CDH13: variants seen among roughly 807,000 people sequenced by gnomAD.
CDH13 encodes the protein cadherin-13.
In CDH13, 24 loss-of-function variants were observed where a neutral mutation model predicts 63.8. The ratio of observed to expected loss-of-function variants is 0.38; its 90% CI spans 0.27 to 0.53. The LOEUF is 0.53. Ranked by LOEUF, CDH13 falls within the 20% of genes least tolerant of loss-of-function variation. The probability of loss-of-function intolerance (pLI) is 0.85; values close to 1 mark genes in which losing one functional copy is unlikely to be tolerated. For missense variants in CDH13, 1,049 were observed against 903.1 expected, an observed-to-expected ratio of 1.16 and a Z score of -2.07; for synonymous variants, 503 against 355.3, an observed-to-expected ratio of 1.42 and a Z score of -4.67.
chr16:83,025,627 C>T (rs900788534), intron 2 of CDH13, among the ~76,000 whole-genome samples: 1 of 152,122 alleles, frequency 6.6e-6, no homozygotes, highest in Non-Finnish European at 1.5e-5. Flanking sequence ...GGGGACACAG[C>T]CAAACCATAT....
chr16:83,623,494 C>T (rs1255969132), intron 8 of CDH13, among the ~76,000 whole-genome samples: 67 of 152,178 alleles, frequency 4.4e-4, no homozygotes, highest in Admixed American at 4.3e-3. Context: ...TCCCCTTCGG[C>T]CTCGGAGCGG....
intron 1 of CDH13, among the ~76,000 whole-genome samples, chr16:82,636,371 T>C (rs1908657266): frequency 6.6e-6 from 1 of 151,926 alleles, no homozygotes; most frequent in Admixed American, 6.6e-5. Context: ...GCAGATCCAG[T>C]CCATGCCTGC....
In CDH13 at chr16:83,651,553, A is replaced by G. The variant is rs148905589; in HGVS notation, c.1102-19237A>G. Among the ~76,000 whole-genome samples the G allele has an allele frequency of 2.8e-3, 415 of 147,712 alleles. 11 individuals are homozygous for G. The highest frequency in any genetic ancestry group is 0.019 in the East Asian group (97 of 5,010). ...GATGCAGCTTCCTGTGGCTTTCAAC[A>G]TGAATCACTTTCCTCATTGGTCTTT... On this transcript the variant is annotated intron_variant, in intron 8 of 13. Coordinates refer to ENST00000567109, the MANE Select transcript of CDH13 (RefSeq NM_001257.5).
At chr16:83,180,691 C>T (rs1023233081) in intron 4 of CDH13, among the ~76,000 whole-genome samples, 17 of 152,184 alleles carry the variant, frequency 1.1e-4, no homozygotes, top group African/African-American at 3.9e-4. Flanking sequence ...GCCTCCTTTT[C>T]ACAGACGTAA....
At chr16:83,152,429 G>C (rs1333350903) in intron 4 of CDH13, among the ~76,000 whole-genome samples, 1 of 152,134 alleles carries the variant, frequency 6.6e-6, no homozygotes, top group African/African-American at 2.4e-5. Flanking sequence ...CATTGTTCTA[G>C]TTTTACTAAA....
chr16:83,001,070 C>G (rs1404269590), intron 2 of CDH13, among the ~76,000 whole-genome samples: 1 of 152,234 alleles, frequency 6.6e-6, no homozygotes, highest in South Asian at 2.1e-4. Flanking sequence ...ATTCTTACTG[C>G]TCTACTTACC....
At chr16:83,369,852 A>T (rs2091330779) in intron 6 of CDH13, among the ~76,000 whole-genome samples, 1 of 152,172 alleles carries the variant, frequency 6.6e-6, no homozygotes, top group African/African-American at 2.4e-5. Context: ...TCGTGTTTGT[A>T]TTCATGACAC....
At chr16:83,012,541 T>A (rs1914270787) in intron 2 of CDH13, among the ~76,000 whole-genome samples, 1 of 152,048 alleles carries the variant, frequency 6.6e-6, no homozygotes, top group Non-Finnish European at 1.5e-5. Context: ...TGGGGGAAAA[T>A]AATGACAGAC....
chr16:83,260,097 T>TGCGC (rs1358317107), intron 5 of CDH13, among the ~76,000 whole-genome samples: 3 of 126,478 alleles, frequency 2.4e-5, no homozygotes, highest in African/African-American at 8.8e-5. Flanking sequence ...GTACCCCCAA[T>TGCGC]ACACACACAC....
At chr16:83,217,635 G>T in intron 5 of CDH13, 138 bp downstream of exon 5, 1 of 833,720 alleles carries the variant, frequency 1.2e-6, no homozygotes, top group South Asian at 1.8e-5. Flanking sequence ...TGTGGGAGCT[G>T]AAGTGGATGG....
chr16:82,992,783 C>A (rs1420507807), intron 2 of CDH13, among the ~76,000 whole-genome samples: 2 of 151,972 alleles, frequency 1.3e-5, no homozygotes, highest in Non-Finnish European at 2.9e-5. Flanking sequence ...AGTAGTTGAC[C>A]CCATAAAAAT....
At chr16:83,496,350 A>G (rs1218908263) in intron 7 of CDH13, among the ~76,000 whole-genome samples, 2 of 149,322 alleles carry the variant, frequency 1.3e-5, no homozygotes, top group Non-Finnish European at 3.0e-5. Flanking sequence ...CTCAGAAATA[A>G]CGCCGCATAT....
intron 4 of CDH13, among the ~76,000 whole-genome samples, chr16:83,194,615 C>T (rs773613936): frequency 6.6e-6 from 1 of 152,190 alleles, no homozygotes; most frequent in Non-Finnish European, 1.5e-5. Flanking sequence ...TTTGTCCTTT[C>T]CCTTTCTTGG....
At chr16:82,648,723 A>G (rs1014939406) in intron 1 of CDH13, among the ~76,000 whole-genome samples, 5 of 152,230 alleles carry the variant, frequency 3.3e-5, no homozygotes, top group African/African-American at 9.6e-5. Context: ...CACTTGCGTT[A>G]CATCTATAAT....
At chr16:83,402,554 C>G (rs868261558) in intron 6 of CDH13, among the ~76,000 whole-genome samples, 1 of 152,230 alleles carries the variant, frequency 6.6e-6, no homozygotes, top group Non-Finnish European at 1.5e-5. Context: ...GCAAGTCTCT[C>G]CTCAAAGGAT....
chr16:82,710,788 A>C (rs935604477), intron 1 of CDH13, among the ~76,000 whole-genome samples: 43 of 148,710 alleles, frequency 2.9e-4, no homozygotes, highest in Non-Finnish European at 5.8e-4. Flanking sequence ...TTTATATACA[A>C]ATATAACCTA....
intron 1 of CDH13, among the ~76,000 whole-genome samples, chr16:82,768,386 A>G (rs1597512592): frequency 6.6e-6 from 1 of 152,126 alleles, no homozygotes; most frequent in African/African-American, 2.4e-5. Context: ...GACTGAATTG[A>G]CCATTTCAGC....
chr16:82,970,008 T>A (rs539110931), intron 2 of CDH13, among the ~76,000 whole-genome samples: 42 of 152,086 alleles, frequency 2.8e-4, no homozygotes, highest in Non-Finnish European at 5.1e-4. Flanking sequence ...TACGTAGGTA[T>A]ACACGTGCTA....
chr16:83,069,684 T>G (rs767393478), intron 3 of CDH13, among the ~76,000 whole-genome samples: 5 of 152,198 alleles, frequency 3.3e-5, no homozygotes, highest in African/African-American at 4.8e-5. Context: ...TGTCTTTTCC[T>G]GGGCTGGGGC....
Sources: gnomAD v4.1 joint callset for allele counts (sites outside exome capture counted in the v4.1 genomes callset) on GRCh38, gnomAD v4.1.1 for gene constraint, MANE v1.5 for transcripts, NCBI Gene and HGNC (gene_info 2026-07-23, HGNC 2026-07-21) for gene names.